OVOL2: variants seen among roughly 807,000 people sequenced by gnomAD.
OVOL2 encodes ovo like zinc finger 2.
Under a neutral mutation model 18.1 loss-of-function variants are expected in OVOL2, and 13 were observed. The observed-to-expected ratio is 0.72, with a 90% confidence interval of 0.47 to 1.14. OVOL2 has a LOEUF of 1.14. Among genes scored for constraint, OVOL2 ranks in the 50% most tolerant of loss-of-function variants. OVOL2 has a pLI of 0.00. For synonymous variants in OVOL2, 166 were observed against 162.7 expected, an observed-to-expected ratio of 1.02 and a Z score of -0.16; for missense variants, 335 against 383.0, an observed-to-expected ratio of 0.87 and a Z score of 1.05.
intron 2 of OVOL2, among the ~76,000 whole-genome samples, chr20:18,053,875 C>G (rs1432547834): frequency 1.3e-5 from 2 of 152,128 alleles, no homozygotes; most frequent in African/African-American, 4.8e-5. Flanking sequence ...CTGACCCCAG[C>G]AAGCCCTGTT....
At chr20:18,026,658 G>A (rs2036521570) in intron 3 of OVOL2, among the ~76,000 whole-genome samples, 2 of 152,308 alleles carry the variant, frequency 1.3e-5, no homozygotes, top group South Asian at 4.1e-4. Context: ...TGGGATTACA[G>A]GCGTGAGCCA....
At chr20:18,054,243 G>A (rs2036796464) in intron 2 of OVOL2, among the ~76,000 whole-genome samples, 1 of 152,188 alleles carries the variant, frequency 6.6e-6, no homozygotes. Context: ...CTTGCTCAAG[G>A]TCCACAGCTA....
chr20:18,056,800 TGCTGCCGCTGCC>T lies in OVOL2; in HGVS notation c.166_177del (p.Gly56_Ser59del). On this transcript the variant is annotated inframe_deletion, in exon 2 of 4. Transcript: ENST00000278780. This position sits in a 1 kb window ranked among gnomAD's most constrained non-coding sequence, Gnocchi z 4.2. ...GCTCCTCCAGGCTCCCCCGCGCTGC[TGCTGCCGCTGCC>T]GCTGCTGCTGCCGCCGTCGCTGCGG... The T allele has an allele frequency of 3.3e-6, 5 of 1,492,860 alleles. No homozygotes were observed. Among genetic ancestry groups the T allele is most frequent in the Non-Finnish European group, 4.4e-6 (5 of 1,128,560 alleles). The allele number at this position is 1,492,860 out of a possible 1,614,324, so 92.5% of individuals were successfully genotyped here. A position where few individuals can be genotyped will look rare whatever the true frequency, so the allele number is the denominator to read the frequency against.
chr20:18,050,135 C>A (rs888894707), intron 2 of OVOL2, among the ~76,000 whole-genome samples: 1 of 152,182 alleles, frequency 6.6e-6, no homozygotes, highest in Non-Finnish European at 1.5e-5. Flanking sequence ...CAGTATCTAT[C>A]CCAACTCCTT....
At chr20:18,040,028 G>A (rs910161684) in intron 3 of OVOL2, among the ~76,000 whole-genome samples, 1 of 152,016 alleles carries the variant, frequency 6.6e-6, no homozygotes, top group Admixed American at 6.6e-5. Context: ...ACGTTCAAGC[G>A]ATCCTCCAGC....
At chr20:18,030,881 A>G (rs1480573001) in intron 3 of OVOL2, among the ~76,000 whole-genome samples, 1 of 152,202 alleles carries the variant, frequency 6.6e-6, no homozygotes, top group Admixed American at 6.5e-5. Flanking sequence ...GGGCACTGCC[A>G]TGCGGCAGCC....
At chr20:18,035,699 CT>C (rs1442714503) in intron 3 of OVOL2, among the ~76,000 whole-genome samples, 2 of 152,204 alleles carry the variant, frequency 1.3e-5, no homozygotes, top group Admixed American at 1.3e-4. Context: ...TCTTTCTGGT[CT>C]TTTATTACAT....
intron 3 of OVOL2, among the ~76,000 whole-genome samples, chr20:18,035,189 G>A (rs564700667): frequency 1.1e-3 from 164 of 152,280 alleles, no homozygotes; most frequent in African/African-American, 3.9e-3. Flanking sequence ...AGTGGCTCAC[G>A]CCTGTAATCC....
At chr20:18,047,185 A>C (rs1380146082) in intron 2 of OVOL2, among the ~76,000 whole-genome samples, 3 of 152,170 alleles carry the variant, frequency 2.0e-5, no homozygotes, top group African/African-American at 7.2e-5. Context: ...AACTTCTCTA[A>C]GCCTTCATTT....
In OVOL2 at chr20:18,042,070, G is replaced by A. The variant is rs537578595; in HGVS notation, c.322-347C>T. On this transcript the variant is annotated intron_variant, in intron 2 of 3. Coordinates refer to ENST00000278780, the MANE Select transcript of OVOL2 (RefSeq NM_021220.4). The stretch of plus-strand genomic sequence containing the variant: ...GGACTACAGGGGCACATACAACCAC[G>A]CCTGGCTAATTTTTGTATTTTCAGT... Among the ~76,000 whole-genome samples the A allele has an allele frequency of 7.9e-5, 12 of 151,684 alleles. No individual in the cohort carries two copies. The South Asian group carries it at 1.7e-3, about 21-fold the overall frequency.
chr20:18,029,320 C>T (rs1360045564), intron 3 of OVOL2, among the ~76,000 whole-genome samples: 10 of 152,234 alleles, frequency 6.6e-5, no homozygotes, highest in African/African-American at 1.9e-4. Context: ...TGAGCCACCA[C>T]GCCCGGCCTA....
intron 2 of OVOL2, among the ~76,000 whole-genome samples, chr20:18,043,161 G>T (rs1223526445): frequency 6.6e-6 from 1 of 152,172 alleles, no homozygotes; most frequent in Non-Finnish European, 1.5e-5. Context: ...GCAGAAAGGA[G>T]TCTGGGTCCT....
chr20:18,025,084 G>A (rs1194100137), intron 3 of OVOL2, 132 bp from the exon 4 acceptor site: 4 of 1,067,624 alleles, frequency 3.7e-6, no homozygotes, highest in Non-Finnish European at 5.4e-6. Flanking sequence ...TACAGCAGGA[G>A]AGAAAACTGT....
At chr20:18,054,420 C>T (rs2036798133) in intron 2 of OVOL2, among the ~76,000 whole-genome samples, 1 of 152,210 alleles carries the variant, frequency 6.6e-6, no homozygotes. Context: ...ACCTGCCCTT[C>T]TTGTGGTCCT....
chr20:18,042,428 C>A (rs1391435721), intron 2 of OVOL2, among the ~76,000 whole-genome samples: 1 of 151,946 alleles, frequency 6.6e-6, no homozygotes, highest in Non-Finnish European at 1.5e-5. Flanking sequence ...GTGCCGTCCC[C>A]GTAGTAAAGA....
chr20:18,056,992 G>A lies in OVOL2; in HGVS notation c.101-115C>T, dbSNP rs960576389. On this transcript the variant is annotated intron_variant, in intron 1 of 3. Coordinates refer to ENST00000278780, the MANE Select transcript of OVOL2 (RefSeq NM_021220.4). The surrounding 1 kb of genome is among the most constrained non-coding windows in gnomAD (Gnocchi z 4.2). ...GCCCCGCCCCGGACCTGGGCACCTC[G>A]CCAAGTGGGCAACGTCGCGGGGGAG... is the stretch of plus-strand genomic sequence containing the variant. 5 of 1,222,634 alleles carry A rather than the reference G, an allele frequency of 4.1e-6. No homozygotes were observed. Among genetic ancestry groups the A allele is most frequent in the Non-Finnish European group, 5.3e-6 (5 of 939,466 alleles). The allele number at this position is 1,222,634 out of a possible 1,614,324, so 75.7% of individuals were successfully genotyped here.
upstream of OVOL2, chr20:18,057,946 G>A: frequency 8.7e-7 from 1 of 1,148,756 alleles, no homozygotes; most frequent in Non-Finnish European, 1.1e-6. This position sits in a 1 kb window ranked among gnomAD's most constrained non-coding sequence, Gnocchi z 6.3. Context: ...GCAACATAAC[G>A]GTGTCAACAA....
chr20:18,042,862 G>A (rs1443692122), intron 2 of OVOL2, among the ~76,000 whole-genome samples: 2 of 147,758 alleles, frequency 1.4e-5, no homozygotes, highest in Admixed American at 6.8e-5. Flanking sequence ...TTCCCCTTCC[G>A]CCTTCTATGA....
At chr20:18,039,606 T>C (rs1356576261) in intron 3 of OVOL2, among the ~76,000 whole-genome samples, 1 of 49,550 alleles carries the variant, frequency 2.0e-5, no homozygotes, top group Non-Finnish European at 4.3e-5. Flanking sequence ...AGACGCTGTC[T>C]CAAAAAAAAA....
Sources: allele counts gnomAD v4.1 joint callset (sites outside exome capture counted in the v4.1 genomes callset), GRCh38; gene constraint gnomAD v4.1.1; non-coding constraint Gnocchi (gnomAD v3.1); transcripts MANE v1.5; gene names NCBI Gene and HGNC (gene_info 2026-07-23, HGNC 2026-07-21).